Variants in DOCK2 observed in about 807,000 individuals in gnomAD.
DOCK2 encodes dedicator of cytokinesis protein 2.
Under a neutral mutation model 248.9 loss-of-function variants are expected in DOCK2, and 87 were observed. The observed-to-expected ratio is 0.35, with a 90% CI of 0.29 to 0.42. The LOEUF (loss-of-function observed/expected upper bound fraction) is 0.42. Among genes scored for constraint, DOCK2 ranks in the 10% least tolerant of loss-of-function variants. DOCK2 has a pLI of 1.00. For synonymous variants in DOCK2, 805 were observed against 821.6 expected (o/e 0.98, Z 0.35); for missense variants, 1,747 against 2,300.2 (o/e 0.76, Z 4.92).
At chr5:169,804,754 G>C (rs1317887511) in intron 26 of DOCK2, among the ~76,000 whole-genome samples, 2 of 152,042 alleles carry the variant, frequency 1.3e-5, no homozygotes, top group African/African-American at 4.8e-5. Context: ...TAAATGTCAG[G>C]GTCAAAATTC....
chr5:169,716,326 T>C (rs1187495208), intron 20 of DOCK2, 24 bp downstream of exon 20: 2 of 1,608,276 alleles, frequency 1.2e-6, no homozygotes, highest in Admixed American at 1.7e-5. Flanking sequence ...GAAAAGTGTC[T>C]AGTGACAACA....
intron 9 of DOCK2, among the ~76,000 whole-genome samples, chr5:169,690,545 T>C (rs1312349837): frequency 6.6e-6 from 1 of 152,270 alleles, no homozygotes; most frequent in East Asian, 1.9e-4. Context: ...TCATAGGTCC[T>C]AATTGCTTAG....
At chr5:169,946,092 G>T (rs1042106439) in intron 27 of DOCK2, among the ~76,000 whole-genome samples, 2 of 152,184 alleles carry the variant, frequency 1.3e-5, no homozygotes, top group Non-Finnish European at 2.9e-5. Flanking sequence ...GGAAGCCCCA[G>T]TTCACTCTGG....
At chr5:169,803,298 G>A (rs1176351785) in intron 26 of DOCK2, 92 bp downstream of exon 26, 1 of 1,492,516 alleles carries the variant, frequency 6.7e-7, no homozygotes, top group African/African-American at 1.4e-5. Flanking sequence ...ATAGCAGCTG[G>A]AGTCTAAAGA....
chr5:169,761,786 G>C (rs929529944), intron 25 of DOCK2, among the ~76,000 whole-genome samples, 161 bp downstream of exon 25: 4 of 152,216 alleles, frequency 2.6e-5, no homozygotes, highest in African/African-American at 9.6e-5. Flanking sequence ...GAAAGTAGCT[G>C]ACAACTTAGA....
chr5:169,808,074 G>A (rs1114033), intron 26 of DOCK2, among the ~76,000 whole-genome samples: 43,225 of 151,582 alleles, frequency 0.29, 6,214 homozygotes, highest in African/African-American at 0.31. Context: ...AATAAAAAAG[G>A]CCCCCAGAGC....
intron 10 of DOCK2, among the ~76,000 whole-genome samples, chr5:169,698,069 C>T (rs557401418): frequency 1.3e-5 from 2 of 152,290 alleles, no homozygotes; most frequent in East Asian, 3.9e-4. Flanking sequence ...AACCTAATTG[C>T]TGAATTCCAC....
At chr5:170,014,832 T>C (rs1029750422) in intron 32 of DOCK2, among the ~76,000 whole-genome samples, 1 of 152,070 alleles carries the variant, frequency 6.6e-6, no homozygotes, top group African/African-American at 2.4e-5. Flanking sequence ...TCCCAGGTAG[T>C]TTATCCTGAG....
At chr5:170,026,645 C>A (rs1202761091) in intron 33 of DOCK2, among the ~76,000 whole-genome samples, 1 of 152,146 alleles carries the variant, frequency 6.6e-6, no homozygotes, top group Non-Finnish European at 1.5e-5. Flanking sequence ...CATTTTGCAA[C>A]AAAATCATGT....
At chr5:169,778,697 T>A (rs1765525144) in intron 25 of DOCK2, among the ~76,000 whole-genome samples, 1 of 152,126 alleles carries the variant, frequency 6.6e-6, no homozygotes, top group African/African-American at 2.4e-5. Context: ...GCATATCGAG[T>A]GTTTGAGCTG....
At chr5:170,005,600 T>TA (rs1282717107) in intron 30 of DOCK2, among the ~76,000 whole-genome samples, 2 of 152,144 alleles carry the variant, frequency 1.3e-5, no homozygotes, top group Non-Finnish European at 2.9e-5. Flanking sequence ...GACTGACTCT[T>TA]ACGGGTAGAG....
Position 169,985,911 on chromosome 5 carries a change from G to A in DOCK2, c.2982G>A (p.Met994Ile), listed in dbSNP as rs1270828281. 6 of 1,607,176 alleles carry A rather than the reference G, an allele frequency of 3.7e-6. No individual in the cohort carries two copies. Among genetic ancestry groups the A allele is most frequent in the South Asian group, 1.1e-5 (1 of 89,892 alleles). The stretch of plus-strand genomic sequence containing the variant: ...CTGGAGACTGGATGGCCATGAGCAT[G>A]GTTCAAAACAGGTGAGCTGCTACCT... ...VYPGDWMAMS[M>I]VQNRVFLRAI... Residue 994 changes from methionine (M) to isoleucine (I), a missense_variant, in exon 29 of 52, where the codon ATG (methionine) becomes ATA (isoleucine). By Grantham distance (10) the Met-to-Ile change is conservative. Around this residue, in one of 4 missense-constraint regions of DOCK2, gnomAD observed 858 missense variants for 1,183.5 expected, o/e 0.72. Transcript: ENST00000520908.
chr5:169,906,524 G>T lies in DOCK2; in HGVS notation c.2799+65672G>T, dbSNP rs143836231. On this transcript the variant is annotated intron_variant, in intron 27 of 51. Coordinates refer to ENST00000520908, the MANE Select transcript of DOCK2 (RefSeq NM_004946.3). The stretch of plus-strand genomic sequence containing the variant: ...ATTTCATTTTATTTGTAGAGACAGG[G>T]TCTCCCTATGTTTCCCAGGCTGGTC... Among the ~76,000 whole-genome samples the T allele has an allele frequency of 3.2e-4, 49 of 152,166 alleles. 2 individuals carry two copies. In the East Asian group the frequency reaches 8.7e-3, roughly 27 times the overall value.
At chr5:169,750,639 G>C (rs898694487) in intron 23 of DOCK2, among the ~76,000 whole-genome samples, 7 of 152,114 alleles carry the variant, frequency 4.6e-5, no homozygotes, top group African/African-American at 1.4e-4. Context: ...ATTTGGGCCA[G>C]GTTTGTTGGT....
intron 44 of DOCK2, among the ~76,000 whole-genome samples, chr5:170,062,128 TGAGAGA>T (rs1554129358): frequency 2.9e-5 from 4 of 137,834 alleles, no homozygotes; most frequent in Admixed American, 1.4e-4. Context: ...TGTGTGTGTG[TGAGAGA>T]GAGAGAGAGA....
intron 20 of DOCK2, among the ~76,000 whole-genome samples, chr5:169,716,906 A>T (rs925122894): frequency 6.6e-6 from 1 of 152,304 alleles, no homozygotes; most frequent in African/African-American, 2.4e-5. Context: ...CCCTTGTGTC[A>T]TGGATATTTG....
At chr5:169,784,155 C>T (rs186202656) in intron 25 of DOCK2, among the ~76,000 whole-genome samples, 1 of 151,676 alleles carries the variant, frequency 6.6e-6, no homozygotes, top group East Asian at 1.9e-4. Flanking sequence ...ACAACAGTTT[C>T]AAAATGCTCT....
chr5:169,873,084 CGT>C (rs1360184906), intron 27 of DOCK2, among the ~76,000 whole-genome samples: 5 of 152,154 alleles, frequency 3.3e-5, no homozygotes, highest in African/African-American at 1.2e-4. Context: ...ATATTCAACT[CGT>C]GTAATTTTAT....
chr5:169,761,985 T>C (rs551793671), intron 25 of DOCK2, among the ~76,000 whole-genome samples: 3 of 152,350 alleles, frequency 2.0e-5, no homozygotes, highest in African/African-American at 7.2e-5. Context: ...TTTGAGTGTG[T>C]AAGAATAAAC....
Sources: gnomAD v4.1 joint callset for allele counts (sites outside exome capture counted in the v4.1 genomes callset) on GRCh38, gnomAD v4.1.1 for gene constraint, gnomAD v4.1.1 regional missense constraint, MANE v1.5 for transcripts, NCBI Gene and HGNC (gene_info 2026-07-23, HGNC 2026-07-21) for gene names.